INTS4: variants seen among roughly 807,000 people sequenced by gnomAD.
The protein encoded by INTS4 is MSTP093.
A neutral mutation model predicts 119.5 loss-of-function variants in INTS4; 70 were observed. That is an observed-to-expected ratio of 0.59 (90% CI 0.48 to 0.71). The LOEUF (loss-of-function observed/expected upper bound fraction) is 0.71, where lower values mean the gene tolerates loss of function less well. Ranked by LOEUF, INTS4 falls within the 30% of genes least tolerant of loss-of-function variation. The pLI is 0.00. For missense variants in INTS4, 867 were observed against 1,173.2 expected (o/e 0.74, Z 3.81); for synonymous variants, 316 against 419.6 (o/e 0.75, Z 3.02).
chr11:77,891,504 A>G (rs1952264312), intron 20 of INTS4, 42 bp from the exon 21 acceptor site: 2 of 1,608,592 alleles, frequency 1.2e-6, no homozygotes, highest in Admixed American at 3.4e-5. Flanking sequence ...AAGCCAGGTC[A>G]TTCCTGGATG....
chr11:77,907,920 T>A, intron 15 of INTS4, 110 bp from the exon 16 acceptor site: 1 of 673,196 alleles, frequency 1.5e-6, no homozygotes, highest in Non-Finnish European at 2.5e-6. Context: ...CAGTCATACA[T>A]TTTTAAATGA....
Position 77,942,310 on chromosome 11 carries a change from G to A in INTS4, c.919-1059C>T, listed in dbSNP as rs597346. 7.0e-4 allele frequency among the ~76,000 whole-genome samples: 106 copies of A among 152,050 alleles called. No homozygotes were observed. The East Asian group carries it at 0.017, about 25-fold the overall frequency. On this transcript the variant is annotated intron_variant, in intron 8 of 22. Coordinates refer to ENST00000534064, the MANE Select transcript of INTS4 (RefSeq NM_033547.4). ...AAGGTACAGGCAGGGAGAGGTATAC[G>A]TGGAGAAATGAAAATCACAGTGCGA...
intron 4 of INTS4, among the ~76,000 whole-genome samples, chr11:77,966,358 A>G (rs1157660879): frequency 2.0e-5 from 3 of 152,174 alleles, no homozygotes; most frequent in African/African-American, 7.2e-5. Context: ...TTAAAGTCAC[A>G]ACAAAAAATC....
At chr11:77,886,313 C>G (rs1952003821) in intron 21 of INTS4, among the ~76,000 whole-genome samples, 1 of 152,162 alleles carries the variant, frequency 6.6e-6, no homozygotes, top group Non-Finnish European at 1.5e-5. Context: ...TTTGTCTACT[C>G]CAAAAGTGGA....
chr11:77,911,038 G>C (rs1317131273), intron 15 of INTS4: 1 of 1,288,824 alleles, frequency 7.8e-7, no homozygotes, highest in East Asian at 5.5e-5. Context: ...TTTCACAGTA[G>C]CCTGGAAAAA....
rs1043685513 is a variant in INTS4 at position 77,938,532 on chromosome 11, G to A, written c.1165+119C>T. ...GTGTGTAAAATAAAAAGCATAGTAAGTACTTCCCAGAGTTACTGTGAGGAC... is the reference window on the plus strand; with the variant it reads ...GTGTGTAAAATAAAAAGCATAGTAAATACTTCCCAGAGTTACTGTGAGGAC... On this transcript the variant is annotated intron_variant, in intron 10 of 22. Coordinates refer to ENST00000534064, the MANE Select transcript of INTS4 (RefSeq NM_033547.4). 3.3e-5 allele frequency: 43 copies of A among 1,287,264 alleles called. No homozygotes were observed. The African/African-American group carries it at 6.3e-4, about 19-fold the overall frequency. The allele number at this position is 1,287,264 out of a possible 1,614,324, so 79.7% of individuals were successfully genotyped here. A position where few individuals can be genotyped will look rare whatever the true frequency, so the allele number is the denominator to read the frequency against.
chr11:77,889,986 C>T (rs1275569938), intron 21 of INTS4, among the ~76,000 whole-genome samples: 7 of 152,132 alleles, frequency 4.6e-5, no homozygotes, highest in African/African-American at 9.7e-5. Context: ...TCACTGACTA[C>T]GTATTAGAAT....
chr11:77,991,867 C>T (rs1369574189), intron 1 of INTS4, among the ~76,000 whole-genome samples: 1 of 152,126 alleles, frequency 6.6e-6, no homozygotes, highest in Non-Finnish European at 1.5e-5. Context: ...AAATGATTCT[C>T]TGACTGACAC....
chr11:77,988,836 C>T (rs1353030212), intron 2 of INTS4, among the ~76,000 whole-genome samples: 1 of 152,126 alleles, frequency 6.6e-6, no homozygotes, highest in Admixed American at 6.5e-5. Flanking sequence ...AGACATTTTA[C>T]AAAAGAACTG....
intron 4 of INTS4, among the ~76,000 whole-genome samples, chr11:77,966,769 G>C (rs1449732317): frequency 2.6e-5 from 4 of 152,022 alleles, no homozygotes; most frequent in Non-Finnish European, 4.4e-5. Context: ...TAAGTCTTTT[G>C]TGGTTTCATA....
chr11:77,957,272 CA>C (rs1954352172), intron 7 of INTS4, among the ~76,000 whole-genome samples: 2 of 152,062 alleles, frequency 1.3e-5, no homozygotes, highest in Non-Finnish European at 2.9e-5. Flanking sequence ...TGTAACCCAC[CA>C]AAGGTTCAGC....
intron 4 of INTS4, among the ~76,000 whole-genome samples, chr11:77,970,312 T>C (rs1040058252): frequency 6.6e-6 from 1 of 151,870 alleles, no homozygotes; most frequent in African/African-American, 2.4e-5. Flanking sequence ...GGCAGGAGAA[T>C]TGCTTGAACC....
At chr11:77,938,186 C>A (rs1473669644) in intron 10 of INTS4, among the ~76,000 whole-genome samples, 2 of 152,080 alleles carry the variant, frequency 1.3e-5, no homozygotes, top group African/African-American at 4.8e-5. Context: ...ATAAAATATT[C>A]ATCAGTCATA....
intron 4 of INTS4, among the ~76,000 whole-genome samples, chr11:77,964,339 G>A (rs11237337): frequency 0.097 from 14,807 of 152,002 alleles, 993 homozygotes; most frequent in Non-Finnish European, 0.15. Context: ...AGGCCAAGGC[G>A]GGTGGATCAT....
intron 22 of INTS4, among the ~76,000 whole-genome samples, chr11:77,879,572 C>T (rs1590990710): frequency 6.6e-6 from 1 of 152,260 alleles, no homozygotes; most frequent in African/African-American, 2.4e-5. Flanking sequence ...GAGAGGAAGC[C>T]TTTGAATAGG....
rs1489817770 is a variant in INTS4, at chr11:77,878,916, C to T, written c.*33G>A. The T allele has an allele frequency of 6.3e-7, 1 of 1,577,038 alleles. No individual in the cohort carries two copies. Among genetic ancestry groups the T allele is most frequent in the Admixed American group, 1.7e-5 (1 of 59,960 alleles). On this transcript the variant is annotated 3_prime_UTR_variant, in exon 23 of 23. Transcript: ENST00000534064. ...CTCATTCTGACACCTAAGAAGGGCCCTCTAGGCCACGGTTGGGAAGACTGT... is the reference window on the plus strand; with the variant it reads ...CTCATTCTGACACCTAAGAAGGGCCTTCTAGGCCACGGTTGGGAAGACTGT...
chr11:77,989,355 C>T (rs987469634), intron 2 of INTS4, among the ~76,000 whole-genome samples: 4 of 151,920 alleles, frequency 2.6e-5, no homozygotes, highest in Non-Finnish European at 4.4e-5. Flanking sequence ...AGCGTGATGG[C>T]GCACTCCTGT....
chr11:77,933,073 G>A (rs1953694391), intron 10 of INTS4, among the ~76,000 whole-genome samples: 3 of 151,946 alleles, frequency 2.0e-5, no homozygotes, highest in Admixed American at 1.3e-4. Flanking sequence ...AAACCTGCAC[G>A]TTCTGCACAT....
At chr11:77,898,054 C>T (rs1272718131) in intron 18 of INTS4, among the ~76,000 whole-genome samples, 2 of 151,954 alleles carry the variant, frequency 1.3e-5, no homozygotes, top group Admixed American at 6.6e-5. Flanking sequence ...TGGACTCAAG[C>T]GATCCTCCTG....
Sources: gnomAD v4.1 joint callset for allele counts (sites outside exome capture counted in the v4.1 genomes callset) on GRCh38, gnomAD v4.1.1 for gene constraint, MANE v1.5 for transcripts, NCBI Gene and HGNC (gene_info 2026-07-23, HGNC 2026-07-21) for gene names.